The following IL1RAP variants were observed in gnomAD, a reference collection of about 807,000 sequenced individuals.
The protein encoded by IL1RAP is interleukin-1 receptor accessory protein.
In IL1RAP, 35 loss-of-function variants were observed where a neutral mutation model predicts 60.7. That is an observed-to-expected ratio of 0.58 (90% CI 0.44 to 0.76). The LOEUF (loss-of-function observed/expected upper bound fraction) is 0.76, where lower values mean the gene tolerates loss of function less well. Among genes scored for constraint, IL1RAP ranks in the 30% least tolerant of loss-of-function variants. The pLI is 0.00. For synonymous variants in IL1RAP, 268 were observed against 250.9 expected, an observed-to-expected ratio of 1.07 and a Z score of -0.64; for missense variants, 572 against 693.9, an observed-to-expected ratio of 0.82 and a Z score of 1.97.
chr3:190,523,655 A>G (rs1369776749), intron 1 of IL1RAP, among the ~76,000 whole-genome samples: 1 of 152,104 alleles, frequency 6.6e-6, no homozygotes, highest in African/African-American at 2.4e-5. Context: ...TGCTAAGGAT[A>G]ATGGTCCCCA....
At chr3:190,525,637 A>G (rs1722446179) in intron 1 of IL1RAP, among the ~76,000 whole-genome samples, 1 of 152,194 alleles carries the variant, frequency 6.6e-6, no homozygotes, top group Non-Finnish European at 1.5e-5. Flanking sequence ...TTATGAACAG[A>G]TGAGAAAGAC....
At chr3:190,574,689 C>A (rs1481039386) in intron 3 of IL1RAP, among the ~76,000 whole-genome samples, 1 of 152,148 alleles carries the variant, frequency 6.6e-6, no homozygotes, top group Non-Finnish European at 1.5e-5. Flanking sequence ...TTCTGCTAGT[C>A]TTTGGCAGTG....
chr3:190,617,789 T>C (rs949242343), intron 5 of IL1RAP, among the ~76,000 whole-genome samples: 2 of 152,136 alleles, frequency 1.3e-5, no homozygotes, highest in Non-Finnish European at 2.9e-5. Context: ...GAGTTGCTGA[T>C]AAGAAAGAGA....
At chr3:190,605,177 A>G (rs115894084) in intron 4 of IL1RAP, among the ~76,000 whole-genome samples, 2,029 of 152,296 alleles carry the variant, frequency 0.013, 35 homozygotes, top group African/African-American at 0.038. Context: ...AGAGAATACC[A>G]TATCTCTGGC....
downstream of IL1RAP, chr3:190,656,483 AAG>A (rs1337057138): frequency 4.6e-6 from 7 of 1,537,270 alleles, no homozygotes; most frequent in Admixed American, 2.0e-5. Context: ...CCTGTTCCCC[AAG>A]AGTCAGAAAC....
chr3:190,656,092 G>A (rs1444026264), downstream of IL1RAP: 20 of 1,537,298 alleles, frequency 1.3e-5, no homozygotes, highest in East Asian at 4.2e-4. Context: ...TCAGCTCAAA[G>A]AGTCTGTGTC....
At chr3:190,626,268 T>G (rs956495025) in intron 7 of IL1RAP, among the ~76,000 whole-genome samples, 1 of 152,206 alleles carries the variant, frequency 6.6e-6, no homozygotes, top group Admixed American at 6.5e-5. Context: ...AAAAAATACC[T>G]TATGGTGCTT....
intron 6 of IL1RAP, among the ~76,000 whole-genome samples, chr3:190,622,874 G>GT (rs1731899992): frequency 6.6e-6 from 1 of 152,190 alleles, no homozygotes; most frequent in Non-Finnish European, 1.5e-5. Context: ...CCAGGGATGG[G>GT]TGAGAGGCTG....
intron 3 of IL1RAP, among the ~76,000 whole-genome samples, chr3:190,582,027 T>C (rs1728040458): frequency 6.6e-6 from 1 of 152,220 alleles, no homozygotes. Context: ...ATAAAAGATG[T>C]TGAGGCTGCA....
At chr3:190,603,093 C>A (rs1355005888) in intron 3 of IL1RAP, among the ~76,000 whole-genome samples, 3 of 151,782 alleles carry the variant, frequency 2.0e-5, no homozygotes, top group Non-Finnish European at 1.5e-5. Context: ...ATTATAGAAG[C>A]CATTACGCAC....
At chr3:190,656,139 T>C (rs765104462), downstream of IL1RAP, 3 of 1,537,350 alleles carry the variant, frequency 2.0e-6, no homozygotes, top group South Asian at 3.6e-5. Context: ...CCAAACATTC[T>C]GGCTCTAAAT....
intron 1 of IL1RAP, among the ~76,000 whole-genome samples, chr3:190,530,841 G>T (rs1009686927): frequency 6.6e-6 from 1 of 152,142 alleles, no homozygotes; most frequent in Non-Finnish European, 1.5e-5. Flanking sequence ...CCACTTACAT[G>T]TTCATTATCT....
chr3:190,629,128 G>A (rs1732558142), intron 8 of IL1RAP, among the ~76,000 whole-genome samples: 1 of 152,190 alleles, frequency 6.6e-6, no homozygotes, highest in South Asian at 2.1e-4. Context: ...TTGGGATTTG[G>A]TCTAGACAAT....
intron 6 of IL1RAP, among the ~76,000 whole-genome samples, 169 bp from the exon 7 acceptor site, chr3:190,623,175 G>A (rs866586032): frequency 6.6e-6 from 1 of 152,198 alleles, no homozygotes; most frequent in African/African-American, 2.4e-5. Context: ...TGCTTTGCTT[G>A]TTTTAAATGA....
chr3:190,532,388 G>T (rs978344295), intron 1 of IL1RAP, among the ~76,000 whole-genome samples: 1 of 150,644 alleles, frequency 6.6e-6, no homozygotes, highest in African/African-American at 2.4e-5. Context: ...TCAGCCTCCC[G>T]AGTAGCTGGG....
At chr3:190,645,585 C>T in intron 10 of IL1RAP, 114 bp from the exon 11 acceptor site, 1 of 820,096 alleles carries the variant, frequency 1.2e-6, no homozygotes, top group Non-Finnish European at 1.9e-6. Flanking sequence ...GAAAATCGCA[C>T]TGGAATCTGT....
intron 5 of IL1RAP, among the ~76,000 whole-genome samples, chr3:190,613,787 C>A (rs760222480): frequency 6.6e-6 from 1 of 151,564 alleles, no homozygotes; most frequent in Admixed American, 6.6e-5. Flanking sequence ...GAGCTGAGAT[C>A]GTGCCACTGC....
intron 9 of IL1RAP, among the ~76,000 whole-genome samples, chr3:190,631,714 T>C (rs1732804125): frequency 6.6e-6 from 1 of 151,936 alleles, no homozygotes; most frequent in Non-Finnish European, 1.5e-5. Context: ...GTAGGTCTTA[T>C]TGACAGCAAA....
chr3:190,628,321 A>C (rs1732491748), intron 8 of IL1RAP, among the ~76,000 whole-genome samples: 1 of 152,142 alleles, frequency 6.6e-6, no homozygotes, highest in Non-Finnish European at 1.5e-5. Context: ...AATTTTTAAC[A>C]CTTTGTAGCC....
Sources: allele counts gnomAD v4.1 joint callset (sites outside exome capture counted in the v4.1 genomes callset), GRCh38; gene constraint gnomAD v4.1.1; transcripts MANE v1.5; gene names NCBI Gene and HGNC (gene_info 2026-07-23, HGNC 2026-07-21).